Variants in DCBLD2 observed in about 807,000 individuals in gnomAD.
The protein encoded by DCBLD2 is discoidin, CUB and LCCL domain-containing protein 2.
DCBLD2 carries 54 observed loss-of-function variants against 86.8 expected under a neutral mutation model. That is an observed-to-expected ratio of 0.62 (90% CI 0.50 to 0.78). The LOEUF (loss-of-function observed/expected upper bound fraction) is 0.78, where lower values mean the gene tolerates loss of function less well. DCBLD2 is among the 30% of genes least tolerant of loss of function. The pLI is 0.00. For missense variants in DCBLD2, 908 were observed against 954.2 expected (o/e 0.95, Z 0.64); for synonymous variants, 354 against 341.3 (o/e 1.04, Z -0.41).
chr3:98,806,429 A>T (rs1941840704), intron 13 of DCBLD2, among the ~76,000 whole-genome samples: 1 of 151,542 alleles, frequency 6.6e-6, no homozygotes, highest in Non-Finnish European at 1.5e-5. Context: ...AATGCATCAT[A>T]CTCTCTCCTC....
rs567804463 is a variant in DCBLD2, at chr3:98,901,461, G to T, written c.-135C>A. ...CAGCCCTCGCCTCACCCCGCGCCGGGACCCTTCCGCCCCTCACCCCGCTTT... is the reference window on the plus strand; with the variant it reads ...CAGCCCTCGCCTCACCCCGCGCCGGTACCCTTCCGCCCCTCACCCCGCTTT... On this transcript the variant is annotated 5_prime_UTR_variant, in exon 1 of 16. Transcript: ENST00000326840. 2.2e-6 allele frequency: 2 copies of T among 894,016 alleles called. No homozygotes were observed. The highest frequency in any genetic ancestry group is 4.9e-5 in the South Asian group (1 of 20,496). The allele number at this position is 894,016 out of a possible 1,614,324, so 55.4% of individuals were successfully genotyped here.
At chr3:98,859,508 G>T (rs939530446) in intron 2 of DCBLD2, among the ~76,000 whole-genome samples, 1 of 152,164 alleles carries the variant, frequency 6.6e-6, no homozygotes, top group Non-Finnish European at 1.5e-5. Context: ...ACATGGCCGG[G>T]TACGCCTCTG....
chr3:98,802,179 A>G (rs546607263), intron 13 of DCBLD2, among the ~76,000 whole-genome samples: 1 of 152,334 alleles, frequency 6.6e-6, no homozygotes, highest in South Asian at 2.1e-4. Context: ...CCAACAGTGT[A>G]AAAATGTTCC....
intron 8 of DCBLD2, 68 bp from the exon 9 acceptor site, chr3:98,817,961 G>A: frequency 6.4e-7 from 1 of 1,568,136 alleles, no homozygotes; most frequent in Non-Finnish European, 8.7e-7. Context: ...CAGCATCAAA[G>A]TATAAACACT....
In DCBLD2 at chr3:98,831,069, A is replaced by AT. The variant is rs760252040; in HGVS notation, c.572-5704dup. Among the ~76,000 whole-genome samples, 1,286 of 142,184 alleles carry AT rather than the reference A, an allele frequency of 9.0e-3. 11 individuals carry two copies. Among genetic ancestry groups the AT allele is most frequent in the African/African-American group, 0.021 (809 of 38,928 alleles). 93.3% of individuals were successfully genotyped at this position (142,184 alleles called of 152,430 possible). Reference sequence around the variant, plus strand: ...TTTTTGGTGTACAGAAATGCTAGTAATTTTTTTTTTTTTTTGAGATGGAGT... The same window carrying AT: ...TTTTTGGTGTACAGAAATGCTAGTAATTTTTTTTTTTTTTTTGAGATGGAGT... On this transcript the variant is annotated intron_variant, in intron 3 of 15. Transcript: ENST00000326840.
In DCBLD2 at chr3:98,799,282, G is replaced by A; in HGVS notation, c.*90C>T. The A allele has an allele frequency of 7.5e-7, 1 of 1,326,450 alleles. No homozygotes were observed. Among genetic ancestry groups the A allele is most frequent in the Non-Finnish European group, 1.0e-6 (1 of 971,340 alleles). The allele number at this position is 1,326,450 out of a possible 1,614,324, so 82.2% of individuals were successfully genotyped here. ...CCCCAACCACTTCAGTGACAGTTAT[G>A]TAATACATTCTATATATTACTACCA... On this transcript the variant is annotated 3_prime_UTR_variant, in exon 16 of 16. Coordinates refer to ENST00000326840, the MANE Select transcript of DCBLD2 (RefSeq NM_080927.4).
At chr3:98,838,591 C>T (rs1260292687) in intron 3 of DCBLD2, among the ~76,000 whole-genome samples, 1 of 151,262 alleles carries the variant, frequency 6.6e-6, no homozygotes, top group Admixed American at 6.6e-5. Context: ...GGGCTCCTCA[C>T]ATCCCAGACG....
chr3:98,839,153 T>TTCTTTC (rs1553727014), intron 3 of DCBLD2, among the ~76,000 whole-genome samples: 165 of 109,532 alleles, frequency 1.5e-3, no homozygotes, highest in Admixed American at 2.7e-3. Flanking sequence ...CCTTCTTTCT[T>TTCTTTC]TCTTTCTTTC....
chr3:98,841,535 T>C (rs1037405946), intron 3 of DCBLD2, among the ~76,000 whole-genome samples: 2 of 152,222 alleles, frequency 1.3e-5, no homozygotes, highest in African/African-American at 4.8e-5. Context: ...GCACATTGGT[T>C]ACTATCATAG....
chr3:98,821,042 T>C (rs1305438936), intron 6 of DCBLD2: 1 of 149,868 alleles, frequency 6.7e-6, no homozygotes, highest in East Asian at 1.9e-4. Context: ...GGCAAATGAC[T>C]GCCCATGCAT....
At chr3:98,857,047 C>T (rs1452650145) in intron 2 of DCBLD2, among the ~76,000 whole-genome samples, 5 of 152,130 alleles carry the variant, frequency 3.3e-5, no homozygotes, top group East Asian at 1.9e-4. Context: ...GTGGCATGTC[C>T]GGAGTTTGTT....
rs1576189788 is a variant in DCBLD2, at chr3:98,864,374, A to C, written c.434-14776T>G. Among the ~76,000 whole-genome samples the C allele has an allele frequency of 2.0e-5, 3 of 147,126 alleles. No individual in the cohort carries two copies. In the East Asian group the frequency reaches 6.5e-4, roughly 32 times the overall value. On this transcript the variant is annotated intron_variant, in intron 2 of 15. Coordinates refer to ENST00000326840, the MANE Select transcript of DCBLD2 (RefSeq NM_080927.4). The stretch of plus-strand genomic sequence containing the variant: ...ACTGGGTATATACCCAAAGGATTAT[A>C]AATCATGTTGCTGTAAAGGCACATG...
intron 10 of DCBLD2, among the ~76,000 whole-genome samples, 160 bp downstream of exon 10, chr3:98,812,172 A>G (rs1291173804): frequency 2.6e-5 from 4 of 152,114 alleles, no homozygotes. Context: ...TAACTTTTTA[A>G]TAGGGTAACC....
intron 2 of DCBLD2, among the ~76,000 whole-genome samples, chr3:98,874,430 GAA>G (rs1285002235): frequency 6.6e-5 from 10 of 151,990 alleles, no homozygotes; most frequent in Non-Finnish European, 1.2e-4. Flanking sequence ...CAATATTAGG[GAA>G]CCCATTAATA....
At chr3:98,846,485 T>C (rs370709480) in intron 3 of DCBLD2, among the ~76,000 whole-genome samples, 50 of 152,158 alleles carry the variant, frequency 3.3e-4, no homozygotes, top group African/African-American at 1.1e-3. Flanking sequence ...GAAGAAGTAA[T>C]AAGAAATTCA....
chr3:98,819,162 A>G (rs1041195164), intron 8 of DCBLD2, 40 bp downstream of exon 8: 1 of 1,507,030 alleles, frequency 6.6e-7, no homozygotes. Context: ...CAAATAAAAT[A>G]AGTGTTACAA....
intron 6 of DCBLD2, among the ~76,000 whole-genome samples, 179 bp from the exon 7 acceptor site, chr3:98,820,467 G>A (rs1447276076): frequency 6.6e-6 from 1 of 152,116 alleles, no homozygotes; most frequent in Admixed American, 6.5e-5. Context: ...TTCTAAGCAG[G>A]ACAACTTCTG....
At chr3:98,827,327 G>A (rs1393934400) in intron 3 of DCBLD2, among the ~76,000 whole-genome samples, 2 of 152,152 alleles carry the variant, frequency 1.3e-5, no homozygotes, top group Non-Finnish European at 2.9e-5. Flanking sequence ...CGACTTCTAA[G>A]ATTAGAAGTT....
At chr3:98,828,458 T>C (rs1376170124) in intron 3 of DCBLD2, among the ~76,000 whole-genome samples, 1 of 152,126 alleles carries the variant, frequency 6.6e-6, no homozygotes, top group Non-Finnish European at 1.5e-5. Context: ...CATAAAAAGA[T>C]GCTCAGCATC....
Sources: allele counts gnomAD v4.1 joint callset (sites outside exome capture counted in the v4.1 genomes callset), GRCh38; gene constraint gnomAD v4.1.1; transcripts MANE v1.5; gene names NCBI Gene and HGNC (gene_info 2026-07-23, HGNC 2026-07-21).